TSPAN9: variants seen among roughly 807,000 people sequenced by gnomAD.
TSPAN9 encodes the protein tetraspanin 9, also known as tetraspanin-9.
A neutral mutation model predicts 31.0 loss-of-function variants in TSPAN9; 16 were observed. The observed-to-expected ratio is 0.52, with a 90% CI of 0.35 to 0.78. The LOEUF (loss-of-function observed/expected upper bound fraction) is 0.78. TSPAN9 is among the 30% of genes least tolerant of loss of function. The pLI is 0.01. For missense variants in TSPAN9, 272 were observed against 312.5 expected (o/e 0.87, Z 0.98); for synonymous variants, 145 against 121.6 (o/e 1.19, Z -1.27).
At chr12:3,145,953 G>C (rs1335663066) in intron 2 of TSPAN9, among the ~76,000 whole-genome samples, 1 of 152,248 alleles carries the variant, frequency 6.6e-6, no homozygotes, top group African/African-American at 2.4e-5. Context: ...TGGGCTGCAG[G>C]CACTGGCTTG....
At chr12:3,193,121 A>G (rs1177576903) in intron 2 of TSPAN9, among the ~76,000 whole-genome samples, 1 of 152,070 alleles carries the variant, frequency 6.6e-6, no homozygotes, top group Non-Finnish European at 1.5e-5. Context: ...CTCACTCTAG[A>G]TGGGATTTGG....
At chr12:3,117,554 C>G (rs1591635307) in intron 2 of TSPAN9, among the ~76,000 whole-genome samples, 1 of 152,078 alleles carries the variant, frequency 6.6e-6, no homozygotes, top group Non-Finnish European at 1.5e-5. Flanking sequence ...AGAGGGGCAG[C>G]CTGGAAACCC....
At position 3,097,065 on chromosome 12, in the gene TSPAN9, G is replaced by A. The variant is rs552216542; in HGVS notation, c.-18+13346G>A. 2.6e-5 allele frequency among the ~76,000 whole-genome samples: 4 copies of A among 152,272 alleles called. No individual in the cohort carries two copies. In the South Asian group the frequency reaches 8.3e-4, roughly 32 times the overall value. ...TGCCTTTCCCAAAAGAGGTGGCGAG[G>A]ACGTTGAGGGAAGAGGAGGCCATTG... On this transcript the variant is annotated intron_variant, in intron 2 of 8. Coordinates refer to ENST00000011898, the MANE Select transcript of TSPAN9 (RefSeq NM_006675.5).
At chr12:3,177,369 C>T (rs576195584) in intron 2 of TSPAN9, among the ~76,000 whole-genome samples, 1 of 151,700 alleles carries the variant, frequency 6.6e-6, no homozygotes, top group Non-Finnish European at 1.5e-5. Context: ...GATCTCCTGA[C>T]CTTGTGATCT....
chr12:3,266,687 G>A (rs1862543412), intron 3 of TSPAN9, among the ~76,000 whole-genome samples: 2 of 152,240 alleles, frequency 1.3e-5, no homozygotes, highest in Admixed American at 6.5e-5. Flanking sequence ...CACTTAAGTT[G>A]GTGCTGAGAC....
At chr12:3,108,617 G>T (rs2098315890) in intron 2 of TSPAN9, among the ~76,000 whole-genome samples, 1 of 152,126 alleles carries the variant, frequency 6.6e-6, no homozygotes, top group Admixed American at 6.5e-5. Flanking sequence ...ATTTTCTTGA[G>T]TTACTTCACT....
chr12:3,171,365 G>A (rs1022433267), intron 2 of TSPAN9, among the ~76,000 whole-genome samples: 1 of 152,120 alleles, frequency 6.6e-6, no homozygotes, highest in African/African-American at 2.4e-5. Context: ...GTAATCCACA[G>A]AAACTGTTTG....
intron 2 of TSPAN9, among the ~76,000 whole-genome samples, chr12:3,155,377 C>A (rs776894418): frequency 2.0e-5 from 3 of 152,144 alleles, no homozygotes; most frequent in Non-Finnish European, 2.9e-5. Context: ...GACTGTTGAT[C>A]GTGTTCTGAG....
rs536340464 is a variant in TSPAN9 at position 3,279,357 on chromosome 12, C to T, written c.330+291C>T. 3.3e-5 allele frequency among the ~76,000 whole-genome samples: 5 copies of T among 152,290 alleles called. No individual in the cohort carries two copies. The East Asian group carries it at 7.7e-4, about 23-fold the overall frequency. ...AGAGATGGCAGTGGGCTGCCTCTGGCGCTAGTGAGCTCCCTCTCACTGGAA... is the reference window on the plus strand; with the variant it reads ...AGAGATGGCAGTGGGCTGCCTCTGGTGCTAGTGAGCTCCCTCTCACTGGAA... On this transcript the variant is annotated intron_variant, in intron 5 of 8. Coordinates refer to ENST00000011898, the MANE Select transcript of TSPAN9 (RefSeq NM_006675.5).
intron 2 of TSPAN9, among the ~76,000 whole-genome samples, chr12:3,121,669 C>T (rs1417400730): frequency 6.6e-6 from 1 of 151,050 alleles, no homozygotes; most frequent in Non-Finnish European, 1.5e-5. Context: ...TGAGCCACTG[C>T]ACCTGGCTGA....
chr12:3,246,837 G>C (rs1052661257), intron 3 of TSPAN9, among the ~76,000 whole-genome samples: 6 of 152,226 alleles, frequency 3.9e-5, no homozygotes, highest in African/African-American at 1.2e-4. Context: ...CTAGGACCAG[G>C]GGGGAAGACA....
At chr12:3,144,601 G>T (rs1457358375) in intron 2 of TSPAN9, among the ~76,000 whole-genome samples, 2 of 152,166 alleles carry the variant, frequency 1.3e-5, no homozygotes, top group African/African-American at 2.4e-5. Context: ...CCCCAGAACC[G>T]CGAGACCGTA....
At chr12:3,218,245 C>T (rs1053612746) in intron 3 of TSPAN9, among the ~76,000 whole-genome samples, 6 of 152,172 alleles carry the variant, frequency 3.9e-5, no homozygotes, top group Non-Finnish European at 7.3e-5. Context: ...CCAACTTCCT[C>T]GGGGCAGGGA....
chr12:3,216,263 C>G (rs1056264966), intron 3 of TSPAN9, among the ~76,000 whole-genome samples: 1 of 152,190 alleles, frequency 6.6e-6, no homozygotes, highest in African/African-American at 2.4e-5. Flanking sequence ...GATCATCCTG[C>G]GACTACTGAC....
chr12:3,268,139 G>GCTGCAGCCTGCCCTCCGTGCGTTC (rs1565639122), intron 3 of TSPAN9, among the ~76,000 whole-genome samples: 3 of 138,588 alleles, frequency 2.2e-5, no homozygotes, highest in Non-Finnish European at 4.8e-5. Context: ...TTCCGTAGGT[G>GCTGCAGCCTGCCCTCCGTGCGTTC]CTGCAGCCTG....
chr12:3,197,093 C>T (rs964862805), intron 2 of TSPAN9, among the ~76,000 whole-genome samples: 2 of 152,126 alleles, frequency 1.3e-5, no homozygotes, highest in Non-Finnish European at 1.5e-5. Context: ...GCTTGTAACA[C>T]CTCTAGGGGG....
chr12:3,239,006 A>G (rs1303897886), intron 3 of TSPAN9, among the ~76,000 whole-genome samples: 2 of 152,200 alleles, frequency 1.3e-5, no homozygotes, highest in East Asian at 1.9e-4. Flanking sequence ...GTGAGTTCCC[A>G]CTGGCACCCA....
intron 2 of TSPAN9, chr12:3,084,025 T>C (rs2098299196): frequency 6.6e-6 from 1 of 152,184 alleles, no homozygotes; most frequent in Non-Finnish European, 1.5e-5. Flanking sequence ...GAGAGGCCTG[T>C]AACTTCCTGC....
intron 2 of TSPAN9, among the ~76,000 whole-genome samples, chr12:3,141,014 G>A (rs757560810): frequency 6.6e-6 from 1 of 151,978 alleles, no homozygotes; most frequent in East Asian, 1.9e-4. Flanking sequence ...TCATAGTAGG[G>A]GAGGGAGGGG....
Sources: allele counts gnomAD v4.1 joint callset (sites outside exome capture counted in the v4.1 genomes callset), GRCh38; gene constraint gnomAD v4.1.1; transcripts MANE v1.5; gene names NCBI Gene and HGNC (gene_info 2026-07-23, HGNC 2026-07-21).